The following MME variants were observed in gnomAD, a reference collection of about 807,000 sequenced individuals.
MME encodes the protein membrane metalloendopeptidase.
Under a neutral mutation model 113.2 loss-of-function variants are expected in MME, and 98 were observed. That is an observed-to-expected ratio of 0.87 (90% CI 0.74 to 1.02). MME has a LOEUF of 1.02. Ranked by LOEUF, MME falls within the 50% of genes least tolerant of loss-of-function variation. The probability of loss-of-function intolerance (pLI) is 0.00; values close to 1 mark genes in which losing one functional copy is unlikely to be tolerated. For missense variants in MME, 836 were observed against 896.0 expected (o/e 0.93, Z 0.86); for synonymous variants, 292 against 300.6 (o/e 0.97, Z 0.30).
chr3:155,118,323 C>T (rs1330397880), intron 7 of MME, among the ~76,000 whole-genome samples: 1 of 152,154 alleles, frequency 6.6e-6, no homozygotes, highest in Admixed American at 6.5e-5. Context: ...AAAGGGGATC[C>T]CAACTAAGGG....
intron 20 of MME, among the ~76,000 whole-genome samples, chr3:155,170,956 G>A (rs1482311942): frequency 3.9e-5 from 6 of 151,996 alleles, no homozygotes; most frequent in African/African-American, 1.2e-4. Flanking sequence ...TAAATATTTT[G>A]TTCATCATTT....
At chr3:155,168,836 G>T (rs751488914) in intron 20 of MME, 39 bp downstream of exon 20, 5 of 1,523,156 alleles carry the variant, frequency 3.3e-6, no homozygotes, top group Middle Eastern at 1.8e-4. Flanking sequence ...TAGTGATTTA[G>T]AGTGTTTCTC....
Position 155,171,649 on chromosome 3 carries a change from G to A in MME, c.1981-468G>A, listed in dbSNP as rs372385318. Among the ~76,000 whole-genome samples, 12 of 152,192 alleles carry A rather than the reference G, an allele frequency of 7.9e-5. No individual in the cohort carries two copies. The East Asian group carries it at 9.6e-4, about 12-fold the overall frequency. The stretch of plus-strand genomic sequence containing the variant: ...GACTCATTGGAGACTAGGCCTCTAA[G>A]GGATCTCAAGAGAATCCTTTGACTT... On this transcript the variant is annotated intron_variant, in intron 20 of 22. Coordinates refer to ENST00000360490, the MANE Select transcript of MME (RefSeq NM_007289.4).
intron 3 of MME, among the ~76,000 whole-genome samples, chr3:155,103,743 C>T (rs1330492367): frequency 6.6e-6 from 1 of 152,118 alleles, no homozygotes; most frequent in Non-Finnish European, 1.5e-5. Context: ...TCTTTTAACA[C>T]TCTGTGTTCT....
intron 1 of MME, among the ~76,000 whole-genome samples, chr3:155,060,514 G>A (rs902831304): frequency 1.3e-5 from 2 of 151,982 alleles, no homozygotes; most frequent in Non-Finnish European, 2.9e-5. Context: ...CTGTAAGTAG[G>A]TGCTTACTGT....
chr3:155,079,196 G>A (rs1714897674), upstream of MME, among the ~76,000 whole-genome samples: 1 of 151,760 alleles, frequency 6.6e-6, no homozygotes, highest in African/African-American at 2.4e-5. Context: ...GGGAGGGAGA[G>A]TAAGAAAAAA....
intron 1 of MME, among the ~76,000 whole-genome samples, chr3:155,048,141 T>C (rs1559891899): frequency 6.6e-6 from 1 of 152,154 alleles, no homozygotes; most frequent in Non-Finnish European, 1.5e-5. Flanking sequence ...TGTACATGCA[T>C]AGATAGGAGT....
chr3:155,075,972 C>G (rs935857043), upstream of MME, among the ~76,000 whole-genome samples: 8 of 152,146 alleles, frequency 5.3e-5, no homozygotes, highest in Non-Finnish European at 1.0e-4. Flanking sequence ...ATATTCTTTG[C>G]TTATCATTCT....
chr3:155,032,741 A>C (rs993250881), intron 1 of MME, among the ~76,000 whole-genome samples: 15 of 152,322 alleles, frequency 9.8e-5, no homozygotes, highest in African/African-American at 3.6e-4. Context: ...AAAATAATCA[A>C]AAGGGTCAGA....
intron 17 of MME, among the ~76,000 whole-genome samples, chr3:155,162,011 T>A (rs1722754071): frequency 6.6e-6 from 1 of 152,302 alleles, no homozygotes; most frequent in Admixed American, 6.5e-5. Context: ...GTTCATTTGG[T>A]ACTGAGACAA....
chr3:155,045,871 T>A (rs1713540429), intron 1 of MME, among the ~76,000 whole-genome samples: 1 of 152,180 alleles, frequency 6.6e-6, no homozygotes, highest in Admixed American at 6.5e-5. Context: ...CATTTAAAAG[T>A]ATGAGTTTCC....
At chr3:155,082,322 G>A (rs1020263080) in intron 1 of MME, among the ~76,000 whole-genome samples, 7 of 152,238 alleles carry the variant, frequency 4.6e-5, no homozygotes, top group African/African-American at 1.7e-4. Flanking sequence ...TATGCGGGGG[G>A]AACAATATTC....
intron 16 of MME, chr3:155,158,726 G>A (rs960875648): frequency 6.6e-6 from 1 of 151,610 alleles, no homozygotes; most frequent in Non-Finnish European, 1.5e-5. Context: ...TGTTTTTCTT[G>A]TGAGTCAACA....
At chr3:155,041,294 T>C (rs945238703) in intron 1 of MME, among the ~76,000 whole-genome samples, 1 of 152,218 alleles carries the variant, frequency 6.6e-6, no homozygotes, top group Admixed American at 6.5e-5. Context: ...ATCTATTTAA[T>C]ATCACTCTTG....
intron 22 of MME, among the ~76,000 whole-genome samples, chr3:155,179,776 G>T (rs1712899030): frequency 6.6e-6 from 1 of 152,280 alleles, no homozygotes; most frequent in East Asian, 1.9e-4. Flanking sequence ...ATGGCATTTT[G>T]CCAGCCCTTT....
chr3:155,168,518 C>T lies in MME; in HGVS notation c.1807C>T (p.Leu603Phe). Residue 603 changes from leucine to phenylalanine, a missense_variant, in exon 19 of 23, where the codon CTC becomes TTC. Leu to Phe is a conservative substitution (Grantham distance 22). Coordinates refer to ENST00000360490, the MANE Select transcript of MME (RefSeq NM_007289.4). ...NGRNFNKDGD[L>F]VDWWTQQSAS... Reference sequence around the variant, plus strand: ...CAGAAACTTTAACAAAGATGGAGACCTCGTTGACTGGTGGACTCAACAGTC... The same window carrying T: ...CAGAAACTTTAACAAAGATGGAGACTTCGTTGACTGGTGGACTCAACAGTC... The T allele has an allele frequency of 6.2e-7, 1 of 1,613,108 alleles. No homozygotes were observed.
At chr3:155,060,015 T>C (rs1714081049) in intron 1 of MME, among the ~76,000 whole-genome samples, 1 of 152,174 alleles carries the variant, frequency 6.6e-6, no homozygotes, top group Non-Finnish European at 1.5e-5. Flanking sequence ...TGATTACTCT[T>C]TTGAACAGTA....
In MME at chr3:155,172,619, G is replaced by A; in HGVS notation, c.2153+7G>A. ...ACAGTCCAGGCAATTTCAGGTGCGT[G>A]GATATGAACAGCAATCAAGGTGCTC... On this transcript the variant is annotated splice_region_variant and intron_variant, in intron 22 of 22. Transcript: ENST00000360490. 1 of 1,605,250 alleles carries A rather than the reference G, an allele frequency of 6.2e-7. No homozygotes were observed. Among genetic ancestry groups the A allele is most frequent in the Non-Finnish European group, 8.5e-7 (1 of 1,172,308 alleles).
intron 8 of MME, among the ~76,000 whole-genome samples, chr3:155,135,045 T>C (rs1429491946): frequency 6.6e-6 from 1 of 152,118 alleles, no homozygotes; most frequent in Non-Finnish European, 1.5e-5. Context: ...AGACTTTTCT[T>C]GGATGCCTAG....
Sources: gnomAD v4.1 joint callset for allele counts (sites outside exome capture counted in the v4.1 genomes callset) on GRCh38, gnomAD v4.1.1 for gene constraint, MANE v1.5 for transcripts, NCBI Gene and HGNC (gene_info 2026-07-23, HGNC 2026-07-21) for gene names.